UGT1A4: variants seen among roughly 807,000 people sequenced by gnomAD.
The protein encoded by UGT1A4 is UDP-glucuronosyltransferase 1A4.
UGT1A4 carries 32 observed loss-of-function variants against 41.1 expected under a neutral mutation model. The observed-to-expected ratio is 0.78, with a 90% CI of 0.59 to 1.05. The LOEUF (loss-of-function observed/expected upper bound fraction) is 1.05, where lower values mean the gene tolerates loss of function less well. Among genes scored for constraint, UGT1A4 ranks in the 50% least tolerant of loss-of-function variants. UGT1A4 has a pLI of 0.00. For synonymous variants in UGT1A4, 283 were observed against 265.1 expected, an observed-to-expected ratio of 1.07 and a Z score of -0.66; for missense variants, 748 against 677.4, an observed-to-expected ratio of 1.10 and a Z score of -1.16.
chr2:233,743,897 A>G (rs1231389302), intron 1 of UGT1A4: 4 of 1,366,642 alleles, frequency 2.9e-6, no homozygotes, highest in Non-Finnish European at 3.9e-6. Flanking sequence ...CACGTCCAGC[A>G]CCTCGTAGTA....
Position 233,743,652 on chromosome 2 carries a change from A to ACTCGAAGGGGTC in UGT1A4, c.868-23372_868-23361dup, listed in dbSNP as rs1188916157. On this transcript the variant is annotated intron_variant, in intron 1 of 4. Transcript: ENST00000373409. The stretch of plus-strand genomic sequence containing the variant: ...GCTGGGTCGCGGAAGCTGAAGACGT[A>ACTCGAAGGGGTC]CTCGAAGGGGTCCTCGAAGGGCCTG... 5.9e-6 allele frequency: 8 copies of ACTCGAAGGGGTC among 1,367,190 alleles called. No homozygotes were observed. The South Asian group carries it at 9.1e-5, about 16-fold the overall frequency. The allele number at this position is 1,367,190 out of a possible 1,614,324, so 84.7% of individuals were successfully genotyped here. A position where few individuals can be genotyped will look rare whatever the true frequency, so the allele number is the denominator to read the frequency against.
intron 1 of UGT1A4, among the ~76,000 whole-genome samples, chr2:233,731,210 T>A (rs2078122398): frequency 6.6e-6 from 1 of 152,162 alleles, no homozygotes; most frequent in Non-Finnish European, 1.5e-5. Context: ...AATACGTGTT[T>A]ATTTAGATTT....
In UGT1A4 at chr2:233,768,384, G is replaced by A; in HGVS notation, c.1252G>A (p.Glu418Lys). 2 of 1,614,136 alleles carry A rather than the reference G, an allele frequency of 1.2e-6. No individual in the cohort carries two copies. Among genetic ancestry groups the A allele is most frequent in the Non-Finnish European group, 1.7e-6 (2 of 1,180,028 alleles). ...KGAGVTLNVLEMTSEDLENAL... is the reference protein window; with the variant it reads ...KGAGVTLNVLKMTSEDLENAL... ...AGCTGGAGTGACCCTGAATGTTCTGGAAATGACTTCTGAAGATTTAGAAAA... is the reference window on the plus strand; with the variant it reads ...AGCTGGAGTGACCCTGAATGTTCTGAAAATGACTTCTGAAGATTTAGAAAA... The change falls in exon 4 of 5, where the codon GAA becomes AAA. Residue 418 changes from glutamate (E) to lysine (K), a missense_variant. By Grantham distance (56) the Glu-to-Lys change is moderately conservative. Transcript: ENST00000373409.
chr2:233,718,994 G>A lies in UGT1A4; in HGVS notation c.174G>A (p.Ala58=), dbSNP rs749212538. ...AGCTCCATGCCAGAGGCCACCAGGC[G>A]GTGGTCCTCACCCCAGAGGTGAATA... The part of the protein sequence containing the change: ...LRELHARGHQ[A]VVLTPEVNMH... The change falls in exon 1 of 5, where the codon GCG becomes GCA. Residue 58 remains alanine (A), a synonymous_variant. Coordinates refer to ENST00000373409, the MANE Select transcript of UGT1A4 (RefSeq NM_007120.3). 2.7e-4 allele frequency: 436 copies of A among 1,613,960 alleles called. 1 individual carries two copies. The highest frequency in any genetic ancestry group is 1.8e-3 in the Admixed American group (110 of 60,006).
chr2:233,771,098 A>C (rs1387885615), intron 4 of UGT1A4: 1 of 152,210 alleles, frequency 6.6e-6, no homozygotes, highest in Non-Finnish European at 1.5e-5. Flanking sequence ...TATCAGGAAG[A>C]CAGCACTAAA....
In UGT1A4 at chr2:233,767,937, G is replaced by T. The variant is rs587784535; in HGVS notation, c.1087+1G>T. Reference sequence around the variant, plus strand: ...TGGCTACCCCAAAACGATCTGCTTGGTATGTTGGGCGGATTGGATGTATAG... The same window carrying T: ...TGGCTACCCCAAAACGATCTGCTTGTTATGTTGGGCGGATTGGATGTATAG... On this transcript the variant is annotated splice_donor_variant, in intron 3 of 4. Coordinates refer to ENST00000373409, the MANE Select transcript of UGT1A4 (RefSeq NM_007120.3). LOFTEE classifies it high-confidence loss of function. 5 of 1,614,210 alleles carry T rather than the reference G, an allele frequency of 3.1e-6. No individual in the cohort carries two copies. The highest frequency in any genetic ancestry group is 4.2e-6 in the Non-Finnish European group (5 of 1,180,052).
intron 4 of UGT1A4, among the ~76,000 whole-genome samples, chr2:233,771,794 C>G (rs913626995): frequency 6.8e-6 from 1 of 146,546 alleles, no homozygotes; most frequent in Non-Finnish European, 1.5e-5. Flanking sequence ...CTCCCTCCCT[C>G]CCTCCCTCCC....
chr2:233,750,285 G>A (rs886934345), intron 1 of UGT1A4, among the ~76,000 whole-genome samples: 2 of 151,944 alleles, frequency 1.3e-5, no homozygotes, highest in African/African-American at 4.9e-5. Context: ...GAGACTGGTG[G>A]CATTTTGCCC....
chr2:233,721,901 G>A, intron 1 of UGT1A4: 1 of 456,940 alleles, frequency 2.2e-6, no homozygotes, highest in Non-Finnish European at 4.4e-6. Flanking sequence ...ATATCGAAAT[G>A]GTGCACACTG....
intron 1 of UGT1A4, chr2:233,754,969 T>C: frequency 7.7e-7 from 1 of 1,302,646 alleles, no homozygotes; most frequent in African/African-American, 1.5e-5. Flanking sequence ...AAGAACTCCC[T>C]GAAGACCTCG....
rs1699952457 is a variant in UGT1A4, at chr2:233,769,841, G to C, written c.1307+1402G>C. On this transcript the variant is annotated intron_variant, in intron 4 of 4. Coordinates refer to ENST00000373409, the MANE Select transcript of UGT1A4 (RefSeq NM_007120.3). This position sits in a 1 kb window ranked among gnomAD's most constrained non-coding sequence, Gnocchi z 4.4. The stretch of plus-strand genomic sequence containing the variant: ...CTGCACTCCAGCAACCTGGGCAACA[G>C]AGTGAGACCCTGTCTCAAAAAAAAA... The C allele has an allele frequency of 1.8e-6, 1 of 550,096 alleles. No homozygotes were observed. Among genetic ancestry groups the C allele is most frequent in the Non-Finnish European group, 2.8e-6 (1 of 353,910 alleles). The allele number at this position is 550,096 out of a possible 1,614,324, so 34.1% of individuals were successfully genotyped here. A position where few individuals can be genotyped will look rare whatever the true frequency, so the allele number is the denominator to read the frequency against.
chr2:233,743,154 T>C (rs3796088), intron 1 of UGT1A4: 32,247 of 360,776 alleles, frequency 0.089, 2,110 homozygotes, highest in East Asian at 0.21. Context: ...CCGCTATTCC[T>C]CCAGATGTGC....
At chr2:233,747,346 G>T in intron 1 of UGT1A4, 1 of 1,603,164 alleles carries the variant, frequency 6.2e-7, no homozygotes, top group African/African-American at 1.3e-5. Flanking sequence ...GCTCGCATGC[G>T]GGAGGCCGTG....
intron 1 of UGT1A4, chr2:233,755,008 C>T (rs1695684715): frequency 3.1e-6 from 4 of 1,292,406 alleles, no homozygotes; most frequent in African/African-American, 1.5e-5. Context: ...AAGACCTACT[C>T]GAAGGGGTCC....
intron 1 of UGT1A4, chr2:233,744,083 G>T: frequency 2.3e-6 from 1 of 437,754 alleles, no homozygotes; most frequent in South Asian, 2.0e-5. Flanking sequence ...CGCATCCCAA[G>T]ATGCAGTGCT....
chr2:233,736,836 A>T (rs1170480165), intron 1 of UGT1A4, among the ~76,000 whole-genome samples: 1 of 152,200 alleles, frequency 6.6e-6, no homozygotes, highest in Admixed American at 6.5e-5. Context: ...TTGCTTTGGT[A>T]TCACCAGTGG....
rs753512191 is a variant in UGT1A4 at position 233,755,032 on chromosome 2, C to T, written c.868-12002C>T. The T allele has an allele frequency of 5.3e-6, 7 of 1,314,500 alleles. No individual in the cohort carries two copies. In the Admixed American group the frequency reaches 9.5e-5, roughly 18 times the overall value. The allele number at this position is 1,314,500 out of a possible 1,614,324, so 81.4% of individuals were successfully genotyped here. A position where few individuals can be genotyped will look rare whatever the true frequency, so the allele number is the denominator to read the frequency against. ...TCGAAGGGGTCCTTGAAGGGCCTGC[C>T]GCCTGCGCAGCCGCCCTCCGCCCTC... On this transcript the variant is annotated intron_variant, in intron 1 of 4. Coordinates refer to ENST00000373409, the MANE Select transcript of UGT1A4 (RefSeq NM_007120.3).
chr2:233,767,313 T>G, intron 2 of UGT1A4, 148 bp downstream of exon 2: 1 of 1,512,132 alleles, frequency 6.6e-7, no homozygotes, highest in Non-Finnish European at 8.8e-7. Flanking sequence ...AGGTTTTTTT[T>G]GTTGTTGTGG....
At chr2:233,722,141 C>T (rs542945200) in intron 1 of UGT1A4, 1 of 165,432 alleles carries the variant, frequency 6.0e-6, no homozygotes, top group South Asian at 1.7e-4. Context: ...TTTAAGACTC[C>T]TGCAGGACAA....
Sources: allele counts gnomAD v4.1 joint callset (sites outside exome capture counted in the v4.1 genomes callset), GRCh38; gene constraint gnomAD v4.1.1; non-coding constraint Gnocchi (gnomAD v3.1); transcripts MANE v1.5; gene names NCBI Gene and HGNC (gene_info 2026-07-23, HGNC 2026-07-21).